Variants in NRG1 observed in about 807,000 individuals in gnomAD.
The protein encoded by NRG1 is pro-neuregulin-1, membrane-bound isoform.
Under a neutral mutation model 63.8 loss-of-function variants are expected in NRG1, and 18 were observed. The ratio of observed to expected loss-of-function variants is 0.28; its 90% CI spans 0.19 to 0.42. NRG1 has a LOEUF of 0.42. Ranked by LOEUF, NRG1 falls within the 10% of genes least tolerant of loss-of-function variation. NRG1 has a pLI of 1.00. For missense variants in NRG1, 762 were observed against 814.7 expected (o/e 0.94, Z 0.79); for synonymous variants, 302 against 301.3 (o/e 1.00, Z -0.02).
chr8:32,595,322 C>T (rs1421988297), intron 1 of NRG1, among the ~76,000 whole-genome samples: 3 of 151,800 alleles, frequency 2.0e-5, no homozygotes, highest in Admixed American at 6.6e-5. Flanking sequence ...CCCAGGTAGC[C>T]GGGACTACAG....
At chr8:32,658,234 A>T (rs1452058671) in intron 5 of NRG1, among the ~76,000 whole-genome samples, 3 of 152,186 alleles carry the variant, frequency 2.0e-5, no homozygotes, top group Non-Finnish European at 4.4e-5. Flanking sequence ...TCCTTGCAAA[A>T]TTCATTCTTC....
At chr8:31,979,558 T>G (rs115204513) in intron 1 of NRG1, among the ~76,000 whole-genome samples, 1,664 of 152,206 alleles carry the variant, frequency 0.011, 27 homozygotes, top group African/African-American at 0.038. Flanking sequence ...TTACTTTTGT[T>G]GTAATTATTT....
intron 1 of NRG1, among the ~76,000 whole-genome samples, chr8:32,495,059 T>C (rs1827034976): frequency 6.6e-6 from 1 of 152,236 alleles, no homozygotes; most frequent in Non-Finnish European, 1.5e-5. Flanking sequence ...TATTTCCCTT[T>C]GATTCTTTGC....
chr8:32,265,080 G>A (rs1336097957), intron 1 of NRG1, among the ~76,000 whole-genome samples: 1 of 152,138 alleles, frequency 6.6e-6, no homozygotes, highest in African/African-American at 2.4e-5. Flanking sequence ...ACTCACGCCT[G>A]TAATCCAAGC....
intron 3 of NRG1, among the ~76,000 whole-genome samples, chr8:32,609,621 T>TCCTTTCCC (rs58583599): frequency 9.2e-6 from 1 of 108,240 alleles, no homozygotes; most frequent in Non-Finnish European, 1.8e-5. Flanking sequence ...CTTCCTTCCT[T>TCCTTTCCC]TCCCTCCCTC....
intron 1 of NRG1, among the ~76,000 whole-genome samples, chr8:32,204,034 A>G (rs1843763240): frequency 6.6e-6 from 1 of 152,132 alleles, no homozygotes; most frequent in Admixed American, 6.5e-5. Context: ...AGTTGAGTAG[A>G]GATATCTCCT....
chr8:32,587,602 T>G (rs1414429734), intron 1 of NRG1, among the ~76,000 whole-genome samples: 1 of 152,182 alleles, frequency 6.6e-6, no homozygotes, highest in Non-Finnish European at 1.5e-5. Context: ...AGATGGGGCC[T>G]CTGGAATCAT....
chr8:32,379,120 C>T (rs919895345), intron 1 of NRG1, among the ~76,000 whole-genome samples: 6 of 152,034 alleles, frequency 3.9e-5, no homozygotes, highest in African/African-American at 1.4e-4. Context: ...TTGCCATCTC[C>T]TGGGTCAAAA....
At chr8:32,159,272 C>A (rs1195614893) in intron 1 of NRG1, among the ~76,000 whole-genome samples, 2 of 152,120 alleles carry the variant, frequency 1.3e-5, no homozygotes, top group East Asian at 1.9e-4. Context: ...CGGTGGCTCA[C>A]GCCTGTAATC....
At chr8:31,970,771 G>A (rs954625344) in intron 1 of NRG1, among the ~76,000 whole-genome samples, 2 of 151,922 alleles carry the variant, frequency 1.3e-5, no homozygotes, top group African/African-American at 4.8e-5. Flanking sequence ...TGTAAACTGT[G>A]GGTACAGCAT....
chr8:32,616,634 A>G (rs762904702), intron 4 of NRG1, among the ~76,000 whole-genome samples: 1 of 152,068 alleles, frequency 6.6e-6, no homozygotes, highest in Non-Finnish European at 1.5e-5. Flanking sequence ...ATCCCTTTTA[A>G]AAGTCTTTGG....
At chr8:31,854,892 G>T (rs992987561) in intron 1 of NRG1, among the ~76,000 whole-genome samples, 7 of 152,108 alleles carry the variant, frequency 4.6e-5, no homozygotes, top group African/African-American at 1.4e-4. Context: ...TCAGGAGCAG[G>T]TTGTTCAGTT....
intron 1 of NRG1, among the ~76,000 whole-genome samples, chr8:32,079,663 A>C (rs911198938): frequency 6.6e-6 from 1 of 152,232 alleles, no homozygotes; most frequent in African/African-American, 2.4e-5. Context: ...AACAAAGCAG[A>C]AAGTGCAGCT....
chr8:31,999,989 A>G (rs1366037345), intron 1 of NRG1, among the ~76,000 whole-genome samples: 2 of 152,014 alleles, frequency 1.3e-5, no homozygotes, highest in Non-Finnish European at 2.9e-5. Context: ...CACTGGTGGC[A>G]AATAGAATTG....
At chr8:31,846,772 T>C (rs1388307454) in intron 1 of NRG1, among the ~76,000 whole-genome samples, 1 of 152,216 alleles carries the variant, frequency 6.6e-6, no homozygotes, top group Non-Finnish European at 1.5e-5. Flanking sequence ...CTACATCTTT[T>C]AGTGGCGATT....
At position 31,917,010 on chromosome 8, in the gene NRG1, G is replaced by T. The variant is rs1382257337; in HGVS notation, c.37+277579G>T. On this transcript the variant is annotated intron_variant, in intron 1 of 10. Coordinates refer to the NRG1 transcript ENST00000519301. ...TGGCTGCATAAATGTCTTCTTTTGA[G>T]AAGTGTCTGTTCATGTCCTTCGCCC... is the stretch of plus-strand genomic sequence containing the variant. Among the ~76,000 whole-genome samples the T allele has an allele frequency of 3.3e-5, 5 of 151,988 alleles. No homozygotes were observed. The East Asian group carries it at 5.8e-4, about 18-fold the overall frequency.
chr8:32,164,455 G>A (rs1839192938), intron 1 of NRG1, among the ~76,000 whole-genome samples: 1 of 152,182 alleles, frequency 6.6e-6, no homozygotes, highest in Non-Finnish European at 1.5e-5. Flanking sequence ...GCCAATGAAA[G>A]TAGATACCTT....
intron 5 of NRG1, among the ~76,000 whole-genome samples, chr8:32,666,063 C>T (rs1804073641): frequency 6.6e-6 from 1 of 152,206 alleles, no homozygotes; most frequent in Non-Finnish European, 1.5e-5. Context: ...TTGAGGGACA[C>T]TTCTTTTATG....
At chr8:31,760,165 G>A (rs1249032186) in intron 1 of NRG1, among the ~76,000 whole-genome samples, 1 of 152,040 alleles carries the variant, frequency 6.6e-6, no homozygotes, top group East Asian at 1.9e-4. Context: ...TTTTCTTCTA[G>A]GGTTTTTATG....
Sources: allele counts gnomAD v4.1 joint callset (sites outside exome capture counted in the v4.1 genomes callset), GRCh38; gene constraint gnomAD v4.1.1; transcripts MANE v1.5; gene names NCBI Gene and HGNC (gene_info 2026-07-23, HGNC 2026-07-21).